KCNQ5: variants seen among roughly 807,000 people sequenced by gnomAD.
KCNQ5 encodes potassium voltage-gated channel subfamily KQT member 5.
In KCNQ5, 30 loss-of-function variants were observed where a neutral mutation model predicts 98.2. The ratio of observed to expected loss-of-function variants is 0.31; its 90% confidence interval spans 0.23 to 0.41. KCNQ5 has a LOEUF of 0.41. Ranked by LOEUF, KCNQ5 falls within the 10% of genes least tolerant of loss-of-function variation. The probability of loss-of-function intolerance (pLI) is 1.00; values close to 1 mark genes in which losing one functional copy is unlikely to be tolerated. For missense variants in KCNQ5, 835 were observed against 1,182.5 expected (o/e 0.71, Z 4.31); for synonymous variants, 458 against 449.4 (o/e 1.02, Z -0.24).
At chr6:72,918,729 T>A (rs1780270039) in intron 1 of KCNQ5, among the ~76,000 whole-genome samples, 1 of 152,052 alleles carries the variant, frequency 6.6e-6, no homozygotes, top group Admixed American at 6.6e-5. Flanking sequence ...CAAATAAAAT[T>A]TTCGGGTCCT....
intron 1 of KCNQ5, among the ~76,000 whole-genome samples, chr6:72,911,400 G>C (rs1241536359): frequency 6.6e-6 from 1 of 152,062 alleles, no homozygotes; most frequent in Non-Finnish European, 1.5e-5. Flanking sequence ...TCTGCAACCC[G>C]GAAGGGGGCC....
chr6:72,887,601 G>A (rs1778894554), intron 1 of KCNQ5, among the ~76,000 whole-genome samples: 1 of 152,088 alleles, frequency 6.6e-6, no homozygotes, highest in Non-Finnish European at 1.5e-5. Flanking sequence ...CAATTAAAAA[G>A]CAAGACAACA....
intron 1 of KCNQ5, among the ~76,000 whole-genome samples, chr6:72,841,928 G>C (rs1776813091): frequency 6.6e-6 from 1 of 152,156 alleles, no homozygotes; most frequent in Admixed American, 6.5e-5. Flanking sequence ...ACTTTTAGAA[G>C]ACTATGAATC....
chr6:73,162,931 G>T (rs1314197089), intron 10 of KCNQ5, among the ~76,000 whole-genome samples: 1 of 152,072 alleles, frequency 6.6e-6, no homozygotes, highest in Non-Finnish European at 1.5e-5. Context: ...TGAGTGTGGG[G>T]GTGTGTGTGA....
rs1196012207 is a variant in KCNQ5, at chr6:72,974,482, G to T, written c.399-29426G>T. Among the ~76,000 whole-genome samples, 6 of 151,774 alleles carry T rather than the reference G, an allele frequency of 4.0e-5. 1 individual carries two copies. The East Asian group carries it at 1.2e-3, about 29-fold the overall frequency. Reference sequence around the variant, plus strand: ...AGGTGATACTTCTGGGTCCCTGCCAGCCTCGTGCATTTTCAAGGGCCTAGG... The same window carrying T: ...AGGTGATACTTCTGGGTCCCTGCCATCCTCGTGCATTTTCAAGGGCCTAGG... On this transcript the variant is annotated intron_variant, in intron 1 of 13. Coordinates refer to ENST00000370398, the MANE Select transcript of KCNQ5 (RefSeq NM_019842.4).
intron 1 of KCNQ5, among the ~76,000 whole-genome samples, chr6:72,958,217 A>T (rs1767178364): frequency 6.6e-6 from 1 of 152,240 alleles, no homozygotes; most frequent in Non-Finnish European, 1.5e-5. Flanking sequence ...ACAAATGGGC[A>T]GTAGAGAGGT....
intron 1 of KCNQ5, among the ~76,000 whole-genome samples, chr6:72,762,340 G>C (rs148466055): frequency 6.6e-6 from 1 of 151,866 alleles, no homozygotes; most frequent in African/African-American, 2.4e-5. Flanking sequence ...TGTAAAAAGC[G>C]TAGGTTTGGG....
intron 1 of KCNQ5, among the ~76,000 whole-genome samples, chr6:72,762,401 T>C (rs993875759): frequency 6.7e-6 from 1 of 149,456 alleles, no homozygotes; most frequent in Non-Finnish European, 1.5e-5. Flanking sequence ...AACTAGCCAA[T>C]GACTTTAGAA....
chr6:72,842,685 T>A (rs570457992), intron 1 of KCNQ5, among the ~76,000 whole-genome samples: 18 of 152,298 alleles, frequency 1.2e-4, no homozygotes, highest in African/African-American at 4.3e-4. Flanking sequence ...ATTCTAACTG[T>A]CATGAGATGG....
intron 1 of KCNQ5, among the ~76,000 whole-genome samples, chr6:72,791,678 G>A (rs781417508): frequency 2.6e-5 from 4 of 152,156 alleles, no homozygotes; most frequent in South Asian, 2.1e-4. Flanking sequence ...ACTGGGTGAC[G>A]TATAGAGAAC....
At chr6:73,010,267 A>G (rs1770000603) in intron 2 of KCNQ5, among the ~76,000 whole-genome samples, 1 of 152,088 alleles carries the variant, frequency 6.6e-6, no homozygotes, top group Admixed American at 6.6e-5. Context: ...TAATTATCTC[A>G]ATTGAAGCCA....
At chr6:73,190,989 A>G (rs914001019) in intron 12 of KCNQ5, among the ~76,000 whole-genome samples, 2 of 152,210 alleles carry the variant, frequency 1.3e-5, no homozygotes, top group Non-Finnish European at 2.9e-5. Context: ...AATGCATGTA[A>G]TTCATAACAT....
At chr6:72,647,251 A>G (rs1765636854) in intron 1 of KCNQ5, among the ~76,000 whole-genome samples, 1 of 152,162 alleles carries the variant, frequency 6.6e-6, no homozygotes, top group Non-Finnish European at 1.5e-5. Flanking sequence ...TGACTTATGG[A>G]GAAATGGGAT....
intron 1 of KCNQ5, among the ~76,000 whole-genome samples, chr6:72,691,405 C>T (rs1768207831): frequency 6.6e-6 from 1 of 152,216 alleles, no homozygotes; most frequent in Admixed American, 6.5e-5. Context: ...CTGCCCTTTA[C>T]AATTGCTCTG....
At chr6:72,634,224 C>A (rs1028585639) in intron 1 of KCNQ5, among the ~76,000 whole-genome samples, 2 of 152,036 alleles carry the variant, frequency 1.3e-5, no homozygotes, top group African/African-American at 4.8e-5. Flanking sequence ...AGTTAAAATG[C>A]CTTATTACCT....
chr6:72,979,246 C>A (rs933359083), intron 1 of KCNQ5, among the ~76,000 whole-genome samples: 3 of 152,180 alleles, frequency 2.0e-5, no homozygotes, highest in Non-Finnish European at 4.4e-5. Flanking sequence ...CTTGTGGAAT[C>A]GCCACACTGT....
intron 8 of KCNQ5, among the ~76,000 whole-genome samples, chr6:73,123,011 A>G (rs1386928615): frequency 6.6e-6 from 1 of 152,178 alleles, no homozygotes; most frequent in Non-Finnish European, 1.5e-5. Context: ...CAGCCTAAGA[A>G]CTTCTGATGG....
chr6:72,945,417 C>T (rs1237323457), intron 1 of KCNQ5, among the ~76,000 whole-genome samples: 2 of 120,494 alleles, frequency 1.7e-5, no homozygotes, highest in South Asian at 3.1e-4. Context: ...CCCCACCCCA[C>T]GACAGGCCCC....
In KCNQ5 at chr6:72,622,652, T is replaced by A; in HGVS notation, c.398+65T>A. The A allele has an allele frequency of 6.4e-7, 1 of 1,570,814 alleles. No individual in the cohort carries two copies. Among genetic ancestry groups the A allele is most frequent in the Middle Eastern group, 1.7e-4 (1 of 5,792 alleles). On this transcript the variant is annotated intron_variant, in intron 1 of 13. Coordinates refer to ENST00000370398, the MANE Select transcript of KCNQ5 (RefSeq NM_019842.4). This position sits in a 1 kb window ranked among gnomAD's most constrained non-coding sequence, Gnocchi z 6.0. ...CCACTGTCCCTGGCCCCCTGGGGCG[T>A]GCTCCGCGCTCGCGCCCTTGGGCCC... is the stretch of plus-strand genomic sequence containing the variant.
Sources: allele counts gnomAD v4.1 joint callset (sites outside exome capture counted in the v4.1 genomes callset), GRCh38; gene constraint gnomAD v4.1.1; non-coding constraint Gnocchi (gnomAD v3.1); transcripts MANE v1.5; gene names NCBI Gene and HGNC (gene_info 2026-07-23, HGNC 2026-07-21).